TESC: variants seen among roughly 807,000 people sequenced by gnomAD.
TESC encodes calcineurin B homologous protein 3.
A neutral mutation model predicts 31.0 loss-of-function variants in TESC; 19 were observed. That is an observed-to-expected ratio of 0.61 (90% confidence interval 0.43 to 0.90). The LOEUF (loss-of-function observed/expected upper bound fraction) is 0.90, where lower values mean the gene tolerates loss of function less well. Ranked by LOEUF, TESC falls within the 40% of genes least tolerant of loss-of-function variation. TESC has a pLI of 0.00. For synonymous variants in TESC, 109 were observed against 114.8 expected (o/e 0.95, Z 0.32); for missense variants, 248 against 303.8 (o/e 0.82, Z 1.36).
chr12:117,056,258 T>C lies in TESC; in HGVS notation c.209+548A>G, dbSNP rs143519148. 1.6e-4 allele frequency among the ~76,000 whole-genome samples: 24 copies of C among 151,638 alleles called. 1 individual carries two copies. In the East Asian group the frequency reaches 4.3e-3, roughly 27 times the overall value. On this transcript the variant is annotated intron_variant, in intron 3 of 7. Coordinates refer to ENST00000335209, the MANE Select transcript of TESC (RefSeq NM_017899.4). ...TTTTAGTAGAAACAGGGTTTCACCA[T>C]GTTGGCCAGGCTGGTCTTGAACTCC...
At chr12:117,086,417 A>T (rs1287593468) in intron 1 of TESC, among the ~76,000 whole-genome samples, 1 of 150,680 alleles carries the variant, frequency 6.6e-6, no homozygotes, top group African/African-American at 2.4e-5. Flanking sequence ...TGTATACTTT[A>T]AAATGGTTAC....
chr12:117,069,683 C>A (rs1954938328), intron 2 of TESC, among the ~76,000 whole-genome samples: 1 of 152,168 alleles, frequency 6.6e-6, no homozygotes, highest in Admixed American at 6.6e-5. Flanking sequence ...TGGGACCAGG[C>A]CCAACACAGA....
intron 2 of TESC, among the ~76,000 whole-genome samples, chr12:117,072,058 T>C (rs893964730): frequency 1.3e-5 from 2 of 152,142 alleles, no homozygotes; most frequent in African/African-American, 4.8e-5. Flanking sequence ...TGTAAGCTTA[T>C]GATGGGGTGC....
At chr12:117,062,825 G>A (rs1194090084) in intron 2 of TESC, among the ~76,000 whole-genome samples, 3 of 152,170 alleles carry the variant, frequency 2.0e-5, no homozygotes, top group Non-Finnish European at 4.4e-5. Flanking sequence ...TAAAGGTGTC[G>A]CAGCCCAGGC....
chr12:117,091,810 C>G (rs921039531), intron 1 of TESC, among the ~76,000 whole-genome samples: 1 of 152,184 alleles, frequency 6.6e-6, no homozygotes, highest in Admixed American at 6.5e-5. Flanking sequence ...AGGTTCAGTT[C>G]TCCCCTTGCC....
Position 117,039,116 on chromosome 12 carries a change from G to T in TESC, c.*17C>A. ...CCCCATTGCAAAGTGCAGTTTCTCC[G>T]CGGAGGTGGCGGTGGGTCAGTGGCA... On this transcript the variant is annotated 3_prime_UTR_variant, in exon 8 of 8. Transcript: ENST00000335209. 1 of 1,613,328 alleles carries T rather than the reference G, an allele frequency of 6.2e-7. No homozygotes were observed.
chr12:117,039,040 G>T lies in TESC; in HGVS notation c.*93C>A. 7.0e-7 allele frequency: 1 copy of T among 1,420,064 alleles called. No homozygotes were observed. 88.0% of individuals were successfully genotyped at this position (1,420,064 alleles called of 1,614,324 possible). ...GCCTTGGCTATGTACCGGCGCTGCA[G>T]GAAGAGGCTGTCCGCCGGGCCTGGG... On this transcript the variant is annotated 3_prime_UTR_variant, in exon 8 of 8. Coordinates refer to ENST00000335209, the MANE Select transcript of TESC (RefSeq NM_017899.4).
rs540923181 is a variant in TESC at position 117,075,162 on chromosome 12, T to G, written c.128+109A>C. On this transcript the variant is annotated intron_variant, in intron 2 of 7. Coordinates refer to ENST00000335209, the MANE Select transcript of TESC (RefSeq NM_017899.4). ...CTCCATCTCCAAAATAAATAAAAAA[T>G]AAAAAGAAAACAACTACCCCCGCTA... is the stretch of plus-strand genomic sequence containing the variant. The G allele has an allele frequency of 1.0e-5, 12 of 1,169,280 alleles. No individual in the cohort carries two copies. In the Admixed American group the frequency reaches 2.1e-4, roughly 20 times the overall value. 72.4% of individuals were successfully genotyped at this position (1,169,280 alleles called of 1,614,324 possible).
intron 7 of TESC, 65 bp downstream of exon 7, chr12:117,041,882 C>G: frequency 6.6e-7 from 1 of 1,508,492 alleles, no homozygotes. Context: ...CATGTCCCCT[C>G]CTGACCAGTG....
chr12:117,075,875 GTATATATATA>G (rs528031954), intron 1 of TESC, among the ~76,000 whole-genome samples: 6,733 of 62,428 alleles, frequency 0.11, 516 homozygotes, highest in Middle Eastern at 0.17. Flanking sequence ...ATATATGTGT[GTATATATATA>G]TATATATATA....
intron 2 of TESC, among the ~76,000 whole-genome samples, chr12:117,071,121 G>A (rs1233688405): frequency 6.6e-6 from 1 of 152,234 alleles, no homozygotes; most frequent in Non-Finnish European, 1.5e-5. Flanking sequence ...TAACAAGGAA[G>A]TACTATTAAG....
chr12:117,069,598 G>A (rs1954936981), intron 2 of TESC, among the ~76,000 whole-genome samples: 1 of 152,092 alleles, frequency 6.6e-6, no homozygotes, highest in East Asian at 1.9e-4. Flanking sequence ...GCAAAAGTAA[G>A]GCCTTGAAGT....
chr12:117,052,011 C>A (rs1228815791), intron 3 of TESC, among the ~76,000 whole-genome samples: 1 of 152,210 alleles, frequency 6.6e-6, no homozygotes, highest in East Asian at 1.9e-4. Context: ...TGGCCATACG[C>A]AATCCTACTG....
At chr12:117,085,301 C>G (rs1955205818) in intron 1 of TESC, among the ~76,000 whole-genome samples, 2 of 152,192 alleles carry the variant, frequency 1.3e-5, no homozygotes, top group South Asian at 4.1e-4. Flanking sequence ...TGGACTTGCC[C>G]TGAGTCTACA....
At chr12:117,086,249 C>T (rs1223596253) in intron 1 of TESC, among the ~76,000 whole-genome samples, 1 of 151,632 alleles carries the variant, frequency 6.6e-6, no homozygotes, top group African/African-American at 2.4e-5. Flanking sequence ...TACTTAATGC[C>T]AATGAATTAT....
chr12:117,076,798 A>C (rs1391597098), intron 1 of TESC, among the ~76,000 whole-genome samples: 1 of 152,194 alleles, frequency 6.6e-6, no homozygotes, highest in Non-Finnish European at 1.5e-5. Context: ...GTAAGATCCC[A>C]CAACACACAG....
At chr12:117,046,969 C>T in intron 4 of TESC, 131 bp from the exon 5 acceptor site, 1 of 987,900 alleles carries the variant, frequency 1.0e-6, no homozygotes, top group Non-Finnish European at 1.5e-6. Context: ...GGGGTCAGGG[C>T]ATGAGCTGTG....
chr12:117,066,091 A>G (rs1203058745), intron 2 of TESC, among the ~76,000 whole-genome samples: 1 of 151,440 alleles, frequency 6.6e-6, no homozygotes, highest in Non-Finnish European at 1.5e-5. Flanking sequence ...TCCTGGTCTC[A>G]GCCCAGATGT....
intron 1 of TESC, among the ~76,000 whole-genome samples, chr12:117,075,899 A>ATATATATATGTGTG (rs1955058969): frequency 1.2e-4 from 9 of 73,218 alleles, no homozygotes; most frequent in African/African-American, 7.4e-4. Flanking sequence ...ATATATATAT[A>ATATATATATGTGTG]TATATATATA....
Sources: allele counts gnomAD v4.1 joint callset (sites outside exome capture counted in the v4.1 genomes callset), GRCh38; gene constraint gnomAD v4.1.1; transcripts MANE v1.5; gene names NCBI Gene and HGNC (gene_info 2026-07-23, HGNC 2026-07-21).